The following COL25A1 variants were observed in gnomAD, a reference collection of about 807,000 sequenced individuals.
COL25A1 encodes the protein collagen type XXV alpha 1 chain.
Under a neutral mutation model 128.4 loss-of-function variants are expected in COL25A1, and 103 were observed. The ratio of observed to expected loss-of-function variants is 0.80; its 90% CI spans 0.68 to 0.94. The LOEUF (loss-of-function observed/expected upper bound fraction) is 0.94, where lower values mean the gene tolerates loss of function less well. Ranked by LOEUF, COL25A1 falls within the 40% of genes least tolerant of loss-of-function variation. The pLI, the probability that COL25A1 is intolerant of heterozygous loss-of-function variation, is 0.00. For missense variants in COL25A1, 745 were observed against 840.0 expected (o/e 0.89, Z 1.40); for synonymous variants, 279 against 277.2 (o/e 1.01, Z -0.06).
intron 11 of COL25A1, among the ~76,000 whole-genome samples, chr4:108,929,987 T>G (rs1746534095): frequency 6.6e-6 from 1 of 152,152 alleles, no homozygotes; most frequent in Admixed American, 6.5e-5. Flanking sequence ...ATTTATTAAT[T>G]GATTAACTCA....
At chr4:108,985,046 G>A (rs141363480) in intron 6 of COL25A1, among the ~76,000 whole-genome samples, 17 of 152,332 alleles carry the variant, frequency 1.1e-4, no homozygotes, top group African/African-American at 4.1e-4. Flanking sequence ...GGCTAGGAGA[G>A]TCTGACTCTC....
intron 3 of COL25A1, among the ~76,000 whole-genome samples, chr4:109,282,037 T>C (rs1200047624): frequency 3.3e-5 from 5 of 152,206 alleles, no homozygotes; most frequent in African/African-American, 9.6e-5. Context: ...GTGTATGTCA[T>C]TATGCCATGC....
intron 18 of COL25A1, among the ~76,000 whole-genome samples, chr4:108,885,012 G>T (rs1037316912): frequency 6.6e-6 from 1 of 152,156 alleles, no homozygotes; most frequent in African/African-American, 2.4e-5. Context: ...TACTAAAGAA[G>T]TATAAAGGAA....
At chr4:108,828,870 C>T (rs979884075) in intron 32 of COL25A1, among the ~76,000 whole-genome samples, 12 of 152,168 alleles carry the variant, frequency 7.9e-5, no homozygotes, top group Non-Finnish European at 1.5e-4. Flanking sequence ...CCTGATATGC[C>T]TGTGTTTCTC....
chr4:109,013,955 C>G (rs1345969694), intron 5 of COL25A1, among the ~76,000 whole-genome samples: 1 of 152,184 alleles, frequency 6.6e-6, no homozygotes, highest in African/African-American at 2.4e-5. Flanking sequence ...CCCCACCAAC[C>G]CCCCTCAGCT....
intron 15 of COL25A1, 111 bp downstream of exon 15, chr4:108,899,043 C>G (rs1742510306): frequency 3.2e-6 from 3 of 939,968 alleles, no homozygotes; most frequent in Non-Finnish European, 3.3e-6. Flanking sequence ...ATCTACCCAC[C>G]CACCCATCCA....
intron 3 of COL25A1, among the ~76,000 whole-genome samples, chr4:109,250,393 C>CACACACACACACACAG (rs1780569145): frequency 6.6e-6 from 1 of 151,682 alleles, no homozygotes; most frequent in South Asian, 2.1e-4. Flanking sequence ...CACACACACA[C>CACACACACACACACAG]ACATATGGGG....
intron 7 of COL25A1, 40 bp downstream of exon 7, chr4:108,974,493 G>A (rs1402561793): frequency 6.2e-7 from 1 of 1,607,422 alleles, no homozygotes; most frequent in East Asian, 2.2e-5. Flanking sequence ...ACGCCAATAT[G>A]GATCTTCACT....
chr4:109,105,981 TC>T (rs1766391772), intron 3 of COL25A1, among the ~76,000 whole-genome samples: 1 of 152,202 alleles, frequency 6.6e-6, no homozygotes, highest in Non-Finnish European at 1.5e-5. Context: ...CTCAAGAATA[TC>T]TTATTATTAA....
chr4:108,945,602 T>C (rs572304132), intron 8 of COL25A1, among the ~76,000 whole-genome samples: 2 of 152,314 alleles, frequency 1.3e-5, no homozygotes, highest in African/African-American at 2.4e-5. Flanking sequence ...GAAAAACAAA[T>C]GTGCCTCCAG....
chr4:109,168,611 G>A (rs1348693785), intron 3 of COL25A1, among the ~76,000 whole-genome samples: 2 of 152,024 alleles, frequency 1.3e-5, no homozygotes, highest in Non-Finnish European at 2.9e-5. Context: ...TGGAGTTCCA[G>A]TTCCCATTGA....
intron 6 of COL25A1, among the ~76,000 whole-genome samples, chr4:109,002,305 C>T (rs1755517529): frequency 6.6e-6 from 1 of 152,180 alleles, no homozygotes; most frequent in African/African-American, 2.4e-5. Flanking sequence ...GATATGGAAT[C>T]AACCTAAATG....
chr4:109,041,184 G>A (rs569972651), intron 5 of COL25A1, among the ~76,000 whole-genome samples: 17 of 152,118 alleles, frequency 1.1e-4, no homozygotes, highest in East Asian at 1.9e-4. Context: ...CAAGAGAAAC[G>A]GTACAAGGAA....
At chr4:109,243,421 T>C (rs372811423) in intron 3 of COL25A1, among the ~76,000 whole-genome samples, 2 of 151,934 alleles carry the variant, frequency 1.3e-5, no homozygotes, top group Non-Finnish European at 2.9e-5. Context: ...AGTTACTCTT[T>C]ATCCTAAAAA....
chr4:109,138,634 C>A (rs1368616547), intron 3 of COL25A1, among the ~76,000 whole-genome samples: 3 of 152,204 alleles, frequency 2.0e-5, no homozygotes, highest in Non-Finnish European at 4.4e-5. Context: ...TTCTCCACAT[C>A]CTCTCCAGCA....
At chr4:109,066,278 C>G (rs1449952470) in intron 3 of COL25A1, among the ~76,000 whole-genome samples, 3 of 152,092 alleles carry the variant, frequency 2.0e-5, no homozygotes, top group Non-Finnish European at 4.4e-5. Context: ...TTTTCTAATA[C>G]CTGACCATCT....
chr4:109,058,209 A>G (rs1761621929), intron 3 of COL25A1, among the ~76,000 whole-genome samples: 2 of 152,170 alleles, frequency 1.3e-5, no homozygotes, highest in Non-Finnish European at 2.9e-5. Flanking sequence ...CCACACATAA[A>G]GTGTTTCATT....
intron 18 of COL25A1, among the ~76,000 whole-genome samples, chr4:108,888,863 G>T (rs988404414): frequency 2.0e-5 from 3 of 152,066 alleles, no homozygotes; most frequent in African/African-American, 7.2e-5. Flanking sequence ...GCCAATTATA[G>T]ACATTTTTTT....
chr4:109,216,311 AAAG>A (rs1449328520), intron 3 of COL25A1, among the ~76,000 whole-genome samples: 9 of 150,564 alleles, frequency 6.0e-5, no homozygotes, highest in Non-Finnish European at 1.5e-5. Context: ...GGAAGGAAGG[AAAG>A]ACGGAAGGAA....
Sources: gnomAD v4.1 joint callset for allele counts (sites outside exome capture counted in the v4.1 genomes callset) on GRCh38, gnomAD v4.1.1 for gene constraint, MANE v1.5 for transcripts, NCBI Gene and HGNC (gene_info 2026-07-23, HGNC 2026-07-21) for gene names.